XPO4: variants seen among roughly 807,000 people sequenced by gnomAD.
XPO4 encodes exportin 4.
In XPO4, 39 loss-of-function variants were observed where a neutral mutation model predicts 143.0. The observed-to-expected ratio is 0.27, with a 90% CI of 0.21 to 0.36. The LOEUF is 0.36. Among genes scored for constraint, XPO4 ranks in the 10% least tolerant of loss-of-function variants. The pLI is 1.00. For synonymous variants in XPO4, 439 were observed against 474.0 expected, an observed-to-expected ratio of 0.93 and a Z score of 0.96; for missense variants, 907 against 1,348.0, an observed-to-expected ratio of 0.67 and a Z score of 5.12.
Position 20,897,358 on chromosome 13 carries a change from T to A in XPO4, c.69+5312A>T, listed in dbSNP as rs540605674. On this transcript the variant is annotated intron_variant, in intron 1 of 22. Transcript: ENST00000255305. ...CCAAACTATATTCTCTCAGACTATA[T>A]TCCCCAAAATATATATCTCCACCTG... Among the ~76,000 whole-genome samples, 18 of 152,282 alleles carry A rather than the reference T, an allele frequency of 1.2e-4. No homozygotes were observed. The South Asian group carries it at 3.5e-3, about 30-fold the overall frequency.
At chr13:20,821,624 C>A in intron 9 of XPO4, 80 bp downstream of exon 9, 1 of 1,434,236 alleles carries the variant, frequency 7.0e-7, no homozygotes. Flanking sequence ...AAAATAATTA[C>A]TTGTCATGAG....
At chr13:20,834,042 G>C (rs2059885896) in intron 6 of XPO4, among the ~76,000 whole-genome samples, 1 of 152,048 alleles carries the variant, frequency 6.6e-6, no homozygotes, top group Admixed American at 6.6e-5. Flanking sequence ...GAGTAACATG[G>C]GGCTACAAAG....
At position 20,809,068 on chromosome 13, in the gene XPO4, T is replaced by C. The variant is rs2137889793; in HGVS notation, c.1493+15A>G. 2.5e-6 allele frequency: 4 copies of C among 1,608,990 alleles called. No homozygotes were observed. Among genetic ancestry groups the C allele is most frequent in the Non-Finnish European group, 3.4e-6 (4 of 1,178,004 alleles). On this transcript the variant is annotated intron_variant, in intron 11 of 22. Coordinates refer to ENST00000255305, the MANE Select transcript of XPO4 (RefSeq NM_022459.5). ...AGAATATTTGCTCCATGGGGTTTCT[T>C]TGGACTGTGTGTACCTTGTCAGAAG...
chr13:20,836,760 T>A (rs2138036047), intron 6 of XPO4, among the ~76,000 whole-genome samples: 1 of 152,312 alleles, frequency 6.6e-6, no homozygotes, highest in African/African-American at 2.4e-5. Context: ...ACCACGACCA[T>A]GATCTAATCT....
intron 6 of XPO4, among the ~76,000 whole-genome samples, chr13:20,834,209 A>G (rs1017577237): frequency 1.3e-5 from 2 of 152,206 alleles, no homozygotes; most frequent in Non-Finnish European, 2.9e-5. Context: ...CTTAACAAAT[A>G]TAATGGTTTG....
intron 9 of XPO4, among the ~76,000 whole-genome samples, chr13:20,821,070 C>T (rs902209307): frequency 3.9e-5 from 6 of 151,950 alleles, no homozygotes; most frequent in East Asian, 1.9e-4. Flanking sequence ...TTTTAGTAGA[C>T]GTCTAAATTT....
chr13:20,872,382 G>T (rs1357037357), intron 1 of XPO4, among the ~76,000 whole-genome samples: 1 of 152,038 alleles, frequency 6.6e-6, no homozygotes. Flanking sequence ...TAGCATAATG[G>T]ACTACAAACC....
chr13:20,826,771 A>G (rs1595101413), intron 7 of XPO4, among the ~76,000 whole-genome samples: 1 of 152,228 alleles, frequency 6.6e-6, no homozygotes, highest in East Asian at 1.9e-4. Context: ...GACAAATATA[A>G]CCTATATAAA....
At chr13:20,813,364 C>G (rs2059607907) in intron 9 of XPO4, among the ~76,000 whole-genome samples, 1 of 151,994 alleles carries the variant, frequency 6.6e-6, no homozygotes, top group Non-Finnish European at 1.5e-5. Context: ...GACAAACATC[C>G]CATTAGGAAA....
intron 17 of XPO4, among the ~76,000 whole-genome samples, 161 bp downstream of exon 17, chr13:20,796,603 C>A (rs1193038889): frequency 6.6e-6 from 1 of 151,860 alleles, no homozygotes; most frequent in African/African-American, 2.4e-5. Flanking sequence ...ATGACTTTCT[C>A]TAAATTATAA....
chr13:20,795,004 A>C (rs2141505554), intron 18 of XPO4, among the ~76,000 whole-genome samples: 1 of 128,010 alleles, frequency 7.8e-6, no homozygotes, highest in Non-Finnish European at 1.8e-5. Context: ...TTGCCCAAGA[A>C]TTTAAAAAAA....
chr13:20,840,692 AT>A (rs955196420), intron 6 of XPO4, among the ~76,000 whole-genome samples: 1 of 152,156 alleles, frequency 6.6e-6, no homozygotes, highest in Non-Finnish European at 1.5e-5. Context: ...CTTGAAATTG[AT>A]TTCCCTAATG....
rs117669711 is a variant in XPO4, at chr13:20,879,570, T to C, written c.70-10869A>G. Among the ~76,000 whole-genome samples, 26 of 152,268 alleles carry C rather than the reference T, an allele frequency of 1.7e-4. No individual in the cohort carries two copies. In the East Asian group the frequency reaches 4.8e-3, roughly 28 times the overall value. On this transcript the variant is annotated intron_variant, in intron 1 of 22. Transcript: ENST00000255305. The stretch of plus-strand genomic sequence containing the variant: ...ATAAACATTTCCAAGAGTTAACATA[T>C]AAATTTCACTAAACACACGAGGAAA...
intron 2 of XPO4, chr13:20,866,020 G>A: frequency 2.0e-6 from 2 of 984,342 alleles, no homozygotes; most frequent in Non-Finnish European, 2.4e-6. Context: ...CCCTGAGAAA[G>A]AGTAAAAGAA....
chr13:20,813,025 G>A (rs1347087116), intron 9 of XPO4, among the ~76,000 whole-genome samples: 1 of 152,160 alleles, frequency 6.6e-6, no homozygotes, highest in East Asian at 1.9e-4. Flanking sequence ...TAACAGGAAG[G>A]ATGACTGGGA....
chr13:20,800,740 T>C, intron 14 of XPO4, 91 bp downstream of exon 14: 1 of 1,501,370 alleles, frequency 6.7e-7, no homozygotes, highest in African/African-American at 1.4e-5. Flanking sequence ...AACAGTTCTA[T>C]TTTGATGAAA....
intron 4 of XPO4, 107 bp downstream of exon 4, chr13:20,855,520 G>A: frequency 8.8e-7 from 1 of 1,136,028 alleles, no homozygotes; most frequent in Non-Finnish European, 1.1e-6. Flanking sequence ...TTGACTGATA[G>A]CTTTTTCACT....
intron 7 of XPO4, among the ~76,000 whole-genome samples, chr13:20,825,687 A>G (rs749810851): frequency 7.2e-5 from 11 of 152,200 alleles, no homozygotes; most frequent in Middle Eastern, 3.2e-3. Context: ...AGTGCATAAT[A>G]CAAAGACTTG....
rs547018413 is a variant in XPO4, at chr13:20,891,135, A to T, written c.69+11535T>A. On this transcript the variant is annotated intron_variant, in intron 1 of 22. Transcript: ENST00000255305. Reference sequence around the variant, plus strand: ...TCCATCTCAATTTAAAAAAAAAAAAAAAAAAAAAAAAAAAAGAACAAACGG... The same window carrying T: ...TCCATCTCAATTTAAAAAAAAAAAATAAAAAAAAAAAAAAAGAACAAACGG... Among the ~76,000 whole-genome samples the T allele has an allele frequency of 1.0e-3, 152 of 149,312 alleles. 1 individual carries two copies. The highest frequency in any genetic ancestry group is 3.7e-3 in the African/African-American group (150 of 40,978).
Sources: gnomAD v4.1 joint callset for allele counts (sites outside exome capture counted in the v4.1 genomes callset) on GRCh38, gnomAD v4.1.1 for gene constraint, MANE v1.5 for transcripts, NCBI Gene and HGNC (gene_info 2026-07-23, HGNC 2026-07-21) for gene names.